POLR3A: variants seen among roughly 807,000 people sequenced by gnomAD.
The protein encoded by POLR3A is DNA-directed RNA polymerase III subunit RPC1.
POLR3A carries 112 observed loss-of-function variants against 152.8 expected under a neutral mutation model. The observed-to-expected ratio is 0.73, with a 90% CI of 0.63 to 0.86. POLR3A has a LOEUF of 0.86. Among genes scored for constraint, POLR3A ranks in the 40% least tolerant of loss-of-function variants. The probability of loss-of-function intolerance (pLI) is 0.00; values close to 1 mark genes in which losing one functional copy is unlikely to be tolerated. For synonymous variants in POLR3A, 615 were observed against 652.1 expected, an observed-to-expected ratio of 0.94 and a Z score of 0.87; for missense variants, 1,385 against 1,743.1, an observed-to-expected ratio of 0.79 and a Z score of 3.66.
chr10:77,988,889 G>C lies in POLR3A; in HGVS notation c.2901+2165C>G, dbSNP rs761888679. Among the ~76,000 whole-genome samples, 16 of 152,158 alleles carry C rather than the reference G, an allele frequency of 1.1e-4. 2 individuals are homozygous for C. Among genetic ancestry groups the C allele is most frequent in the Admixed American group, 6.5e-5 (1 of 15,272 alleles). ...TTACCTGTTGGCACAGGAAAAACAG[G>C]AGCAGAACCTAAGGCCAAGCCTTAG... On this transcript the variant is annotated intron_variant, in intron 21 of 30. Coordinates refer to ENST00000372371, the MANE Select transcript of POLR3A (RefSeq NM_007055.4).
intron 11 of POLR3A, among the ~76,000 whole-genome samples, chr10:78,011,488 C>A (rs1847466259): frequency 6.6e-6 from 1 of 152,050 alleles, no homozygotes; most frequent in African/African-American, 2.4e-5. Context: ...GCCTTTTCAC[C>A]CAGAAAGCAG....
chr10:78,016,248 T>C (rs1002625216), intron 10 of POLR3A, among the ~76,000 whole-genome samples: 3 of 152,098 alleles, frequency 2.0e-5, no homozygotes, highest in African/African-American at 7.2e-5. Flanking sequence ...TTTTAGTTGC[T>C]TAGTTAATAT....
In POLR3A at chr10:78,019,219, C is replaced by T; in HGVS notation, c.1232G>A (p.Gly411Asp). Reference sequence around the variant, plus strand: ...GTTTGCTCCTGGGTGAACCTCAGGGCCGTTTTGAACCAGTTTCCTCAAGAA... The same window carrying T: ...GTTTGCTCCTGGGTGAACCTCAGGGTCGTTTTGAACCAGTTTCCTCAAGAA... Reference protein sequence around the residue: ...INFLRKLVQNGPEVHPGANFI... With the variant: ...INFLRKLVQNDPEVHPGANFI... Residue 411 changes from glycine to aspartate, a missense_variant, in exon 9 of 31, where the codon GGC becomes GAC. By Grantham distance (94) the Gly-to-Asp change is moderately conservative. Around this residue, in one of 7 missense-constraint regions of POLR3A, gnomAD observed 493 missense variants for 647.5 expected, o/e 0.76. Transcript: ENST00000372371. The T allele has an allele frequency of 6.2e-7, 1 of 1,614,024 alleles. No individual in the cohort carries two copies. Among genetic ancestry groups the T allele is most frequent in the Non-Finnish European group, 8.5e-7 (1 of 1,179,988 alleles).
chr10:78,016,613 C>A (rs1358699009), intron 10 of POLR3A, among the ~76,000 whole-genome samples: 11 of 151,370 alleles, frequency 7.3e-5, no homozygotes, highest in African/African-American at 1.7e-4. Context: ...ACTTGAGAGG[C>A]TAAGGCAGGA....
intron 30 of POLR3A, among the ~76,000 whole-genome samples, chr10:77,979,656 A>C (rs1210069996): frequency 1.3e-5 from 2 of 152,174 alleles, no homozygotes; most frequent in African/African-American, 4.8e-5. Context: ...CAAAGGGCTT[A>C]ATATCCACAC....
Position 78,022,274 on chromosome 10 carries a change from G to A in POLR3A, c.756C>T (p.Leu252=). 6.2e-7 allele frequency: 1 copy of A among 1,614,232 alleles called. No homozygotes were observed. The change falls in exon 6 of 31, where the codon CTC becomes CTT. Residue 252 remains leucine (L), a synonymous_variant. Transcript: ENST00000372371. The part of the protein sequence containing the change: ...PEAGKPSDLI[L]TRLLVPPLCI... ...ACAAAGGAGGCACCAAAAGTCGTGT[G>A]AGAATCAAATCAGACGGCTTTCCGG...
At position 78,021,542 on chromosome 10, in the gene POLR3A, T is replaced by G. The variant is rs1388439091; in HGVS notation, c.1185+4A>C. ...AAGAATTGAGCAGCTGAGTGGTCAC[T>G]TACCTTCTCAGGAAAAGTTAGAATT... On this transcript the variant is annotated splice_donor_region_variant and intron_variant, in intron 8 of 30. Transcript: ENST00000372371. The G allele has an allele frequency of 4.3e-6, 7 of 1,613,916 alleles. No homozygotes were observed. The highest frequency in any genetic ancestry group is 1.3e-5 in the African/African-American group (1 of 75,050).
intron 8 of POLR3A, 30 bp downstream of exon 8, chr10:78,021,515 CA>C: frequency 6.2e-7 from 1 of 1,612,802 alleles, no homozygotes; most frequent in Non-Finnish European, 8.5e-7. Context: ...GAATTTAAAA[CA>C]AAGAATTGAG....
At chr10:77,983,390 C>T (rs540844163) in intron 26 of POLR3A, among the ~76,000 whole-genome samples, 5 of 152,268 alleles carry the variant, frequency 3.3e-5, no homozygotes, top group Admixed American at 6.5e-5. Context: ...TTTAACTACC[C>T]GAGAGAAAGA....
At chr10:77,980,525 C>G (rs1262077261) in intron 29 of POLR3A, among the ~76,000 whole-genome samples, 2 of 151,626 alleles carry the variant, frequency 1.3e-5, no homozygotes, top group Non-Finnish European at 2.9e-5. Context: ...AATTCAGAGA[C>G]TAACTTTAAA....
At chr10:77,992,494 G>A (rs1473841172) in intron 20 of POLR3A, among the ~76,000 whole-genome samples, 6 of 139,026 alleles carry the variant, frequency 4.3e-5, no homozygotes, top group African/African-American at 1.6e-4. Flanking sequence ...CCAGGTTGGA[G>A]TGCAGTGGTG....
chr10:77,982,453 AAGT>A, intron 27 of POLR3A, 135 bp from the exon 28 acceptor site: 1 of 988,394 alleles, frequency 1.0e-6, no homozygotes, highest in Admixed American at 1.8e-5. Context: ...GGGAGAACAG[AAGT>A]TGTTCAGGGG....
chr10:77,980,083 T>C, intron 30 of POLR3A, 58 bp downstream of exon 30: 4 of 1,513,854 alleles, frequency 2.6e-6, no homozygotes, highest in African/African-American at 1.4e-5. Flanking sequence ...AGCCTAGCCA[T>C]GGTCTATTTG....
rs749554502 is a variant in POLR3A at position 78,010,503 on chromosome 10, G to A, written c.1610C>T (p.Pro537Leu). The A allele has an allele frequency of 6.2e-6, 10 of 1,613,996 alleles. No homozygotes were observed. The African/African-American group carries it at 6.7e-5, about 11-fold the overall frequency. Residue 537 changes from proline to leucine, a missense_variant, in exon 12 of 31, where the codon CCG becomes CTG. Physicochemically the swap from Pro to Leu is moderately conservative, Grantham distance 98. This residue lies in a region of POLR3A where 188 missense variants were observed against 179.9 expected (regional missense o/e 1.04). Transcript: ENST00000372371. ...ANLVTPRNGE[P>L]LIAAIQDFLT... ...AAAATCCTGAATAGCAGCAATCAGC[G>A]GTTCCCCATTCCTCGGGGTTACAAG...
rs775170792 is a variant in POLR3A at position 77,984,249 on chromosome 10, C to T, written c.3292G>A (p.Ala1098Thr). 2 of 1,613,354 alleles carry T rather than the reference C, an allele frequency of 1.2e-6. No individual in the cohort carries two copies. The highest frequency in any genetic ancestry group is 2.2e-5 in the South Asian group (2 of 91,064). Residue 1098 changes from alanine to threonine, a missense_variant, in exon 25 of 31, where the codon GCT becomes ACT. By Grantham distance (58) the Ala-to-Thr change is moderately conservative (BLOSUM62 0). Transcript: ENST00000372371. ...TCAATTCTCCCTTTCACGAGGCGAG[C>T]ATAATCCGCGTCGTCATCCTTGTCT... ...QLDKDDDADY[A>T]RLVKGRIEKT...
intron 4 of POLR3A, 78 bp downstream of exon 4, chr10:78,024,893 T>C: frequency 6.4e-7 from 1 of 1,561,374 alleles, no homozygotes; most frequent in Non-Finnish European, 8.8e-7. Context: ...CTCCCGAACA[T>C]TATGTAAACC....
intron 8 of POLR3A, among the ~76,000 whole-genome samples, chr10:78,021,330 T>C (rs955462284): frequency 6.6e-6 from 1 of 152,146 alleles, no homozygotes; most frequent in Admixed American, 6.5e-5. Flanking sequence ...TAAATACACA[T>C]GAAACTAGAA....
chr10:77,977,683 G>A lies in POLR3A; in HGVS notation c.4025-57C>T, dbSNP rs144144357. On this transcript the variant is annotated intron_variant, in intron 30 of 30. Coordinates refer to ENST00000372371, the MANE Select transcript of POLR3A (RefSeq NM_007055.4). The stretch of plus-strand genomic sequence containing the variant: ...CTCTAAACACAAGGTACATTTTCAC[G>A]AAGAAAGACTATTGGCTTAAGTGTC... 2.6e-4 allele frequency: 375 copies of A among 1,450,742 alleles called. 3 individuals are homozygous for A. In the East Asian group the frequency reaches 7.0e-3, roughly 27 times the overall value. The allele number at this position is 1,450,742 out of a possible 1,614,324, so 89.9% of individuals were successfully genotyped here.
chr10:77,994,156 C>G (rs553937840), intron 19 of POLR3A, among the ~76,000 whole-genome samples: 1 of 152,180 alleles, frequency 6.6e-6, no homozygotes, highest in Non-Finnish European at 1.5e-5. Context: ...CATGCTCCCA[C>G]ACTGAAGGGC....
Sources: allele counts gnomAD v4.1 joint callset (sites outside exome capture counted in the v4.1 genomes callset), GRCh38; gene constraint gnomAD v4.1.1; regional missense constraint gnomAD v4.1.1; transcripts MANE v1.5; gene names NCBI Gene and HGNC (gene_info 2026-07-23, HGNC 2026-07-21).